PLD1: variants seen among roughly 807,000 people sequenced by gnomAD.
PLD1 encodes the protein choline phosphatase 1.
A neutral mutation model predicts 137.1 loss-of-function variants in PLD1; 112 were observed. That is an observed-to-expected ratio of 0.82 (90% CI 0.70 to 0.96). The LOEUF (loss-of-function observed/expected upper bound fraction) is 0.96. Ranked by LOEUF, PLD1 falls within the 40% of genes least tolerant of loss-of-function variation. The pLI is 0.00. For synonymous variants in PLD1, 431 were observed against 454.7 expected (o/e 0.95, Z 0.66); for missense variants, 1,321 against 1,342.0 (o/e 0.98, Z 0.24).
At chr3:171,716,765 T>G (rs1009487906) in intron 8 of PLD1, among the ~76,000 whole-genome samples, 1 of 152,238 alleles carries the variant, frequency 6.6e-6, no homozygotes, top group Non-Finnish European at 1.5e-5. Context: ...CATTCGCCAA[T>G]TTTTGATTTT....
chr3:171,754,000 C>A (rs1720846763), intron 1 of PLD1, among the ~76,000 whole-genome samples: 2 of 152,158 alleles, frequency 1.3e-5, no homozygotes, highest in African/African-American at 2.4e-5. Flanking sequence ...TTCCTATCAT[C>A]CATTGGGACT....
At chr3:171,763,476 G>GACAA (rs1721565360) in intron 1 of PLD1, among the ~76,000 whole-genome samples, 1 of 26,266 alleles carries the variant, frequency 3.8e-5, no homozygotes, top group African/African-American at 1.7e-4. Context: ...GGAGGGGAGG[G>GACAA]GAGGGGAGGA....
At chr3:171,795,366 G>C (rs1223673953) in intron 1 of PLD1, among the ~76,000 whole-genome samples, 2 of 152,184 alleles carry the variant, frequency 1.3e-5, no homozygotes, top group Non-Finnish European at 2.9e-5. Context: ...TACATAAACT[G>C]TGCTGAGTGC....
chr3:171,756,251 G>C (rs1406711161), intron 1 of PLD1, among the ~76,000 whole-genome samples: 2 of 152,224 alleles, frequency 1.3e-5, no homozygotes, highest in East Asian at 3.8e-4. Flanking sequence ...AAAGTCTTCA[G>C]TAAAAATAAG....
chr3:171,620,494 A>C lies in PLD1; in HGVS notation c.2620T>G (p.Ser874Ala), dbSNP rs375020903. 1.2e-4 allele frequency: 184 copies of C among 1,592,558 alleles called. No individual in the cohort carries two copies. The Middle Eastern group carries it at 2.0e-3, about 18-fold the overall frequency. Residue 874 changes from serine (S) to alanine (A), a missense_variant, in exon 24 of 27, where the codon TCA (serine) becomes GCA (alanine). Ser to Ala is a moderately conservative substitution (Grantham distance 99). Coordinates refer to ENST00000351298, the MANE Select transcript of PLD1 (RefSeq NM_002662.5). ...ELGNQWINYI[S>A]FCGLRTHAEL... ...GCATGTGTTCTAAGACCACAGAATGATATGTAATTTATCCACTGATTACCA... is the reference window on the plus strand; with the variant it reads ...GCATGTGTTCTAAGACCACAGAATGCTATGTAATTTATCCACTGATTACCA...
Position 171,605,360 on chromosome 3 carries a change from T to C in PLD1, c.2939A>G (p.Asp980Gly). ...AACCCACACCTCCTTGAAGAATTTG[T>C]CACTCACTGGATCCTGAATGTCCTC... ...PSEDIQDPVS[D>G]KFFKEVWVST... Residue 980 changes from aspartate (D) to glycine (G), a missense_variant, in exon 26 of 27, where the codon GAC (aspartate) becomes GGC (glycine). Transcript: ENST00000351298. 1.2e-6 allele frequency: 2 copies of C among 1,614,016 alleles called. No individual in the cohort carries two copies. The highest frequency in any genetic ancestry group is 1.7e-6 in the Non-Finnish European group (2 of 1,179,892).
intron 1 of PLD1, among the ~76,000 whole-genome samples, chr3:171,801,652 C>T (rs1723651656): frequency 6.6e-6 from 1 of 152,210 alleles, no homozygotes; most frequent in Admixed American, 6.5e-5. Context: ...TGGTCTTGAA[C>T]TCCTGTCCTC....
At chr3:171,755,524 T>C (rs1720962379) in intron 1 of PLD1, among the ~76,000 whole-genome samples, 1 of 152,226 alleles carries the variant, frequency 6.6e-6, no homozygotes, top group Non-Finnish European at 1.5e-5. Flanking sequence ...TCTTCTTTGA[T>C]GCTGTTCTTC....
At chr3:171,648,553 G>A (rs961621214) in intron 21 of PLD1, among the ~76,000 whole-genome samples, 2 of 150,364 alleles carry the variant, frequency 1.3e-5, no homozygotes, top group African/African-American at 2.4e-5. Context: ...TAAGAACATA[G>A]TTACTTTTTT....
intron 1 of PLD1, among the ~76,000 whole-genome samples, chr3:171,749,605 C>A (rs890704044): frequency 2.0e-5 from 3 of 152,192 alleles, no homozygotes; most frequent in Admixed American, 2.0e-4. Flanking sequence ...AGGAAACCTA[C>A]ATTTGGAAGA....
chr3:171,807,940 G>A (rs1428497855), intron 1 of PLD1, among the ~76,000 whole-genome samples: 3 of 152,336 alleles, frequency 2.0e-5, no homozygotes, highest in Non-Finnish European at 2.9e-5. Context: ...GGATGCGGAT[G>A]GAGGTCATTA....
intron 25 of PLD1, among the ~76,000 whole-genome samples, chr3:171,608,950 T>C (rs1295781941): frequency 1.3e-5 from 2 of 152,060 alleles, no homozygotes; most frequent in African/African-American, 2.4e-5. Flanking sequence ...CAAAGATGAC[T>C]AAAAGCCAAC....
chr3:171,732,640 G>C (rs946486123), intron 6 of PLD1, among the ~76,000 whole-genome samples: 1 of 152,142 alleles, frequency 6.6e-6, no homozygotes, highest in Non-Finnish European at 1.5e-5. Flanking sequence ...AATCACAATT[G>C]CACCAACTCT....
At chr3:171,775,585 G>A (rs1475380831) in intron 1 of PLD1, among the ~76,000 whole-genome samples, 1 of 152,188 alleles carries the variant, frequency 6.6e-6, no homozygotes, top group Admixed American at 6.5e-5. Context: ...GCTCACGTCT[G>A]TGATCCCAGC....
chr3:171,764,929 GAAAGGAAAGAAAGAAA>G lies in PLD1; in HGVS notation c.-31-26863_-31-26848del, dbSNP rs1560289253. On this transcript the variant is annotated intron_variant, in intron 1 of 26. Transcript: ENST00000351298. ...GAAGGAAGGAAAGAAAGAAAGGAAA[GAAAGGAAAGAAAGAAA>G]GAAAGAAAGAAAGAAAGAAAGAAAG... 6.2e-3 allele frequency among the ~76,000 whole-genome samples: 79 copies of G among 12,840 alleles called. 10 individuals are homozygous for G. Among genetic ancestry groups the G allele is most frequent in the East Asian group, 7.3e-3 (8 of 1,096 alleles). 8.4% of individuals were successfully genotyped at this position (12,840 alleles called of 152,430 possible). A position where few individuals can be genotyped will look rare whatever the true frequency, so the allele number is the denominator to read the frequency against.
intron 23 of PLD1, among the ~76,000 whole-genome samples, chr3:171,626,554 AT>A (rs1423233832): frequency 6.6e-6 from 1 of 152,186 alleles, no homozygotes; most frequent in East Asian, 1.9e-4. Flanking sequence ...TAATTGTCAG[AT>A]TCAGCAAAGT....
rs35118811 is a variant in PLD1 at position 171,803,809 on chromosome 3, C to T, written c.-32+6590G>A. Among the ~76,000 whole-genome samples, 791 of 152,226 alleles carry T rather than the reference C, an allele frequency of 5.2e-3. 9 individuals are homozygous for T. The highest frequency in any genetic ancestry group is 8.8e-3 in the Non-Finnish European group (599 of 68,020). On this transcript the variant is annotated intron_variant, in intron 1 of 26. Coordinates refer to ENST00000351298, the MANE Select transcript of PLD1 (RefSeq NM_002662.5). ...ACTAGAACATACAGTTTGGGGAAGA[C>T]GTGCAATAGTTACAGTATTTTCACC...
chr3:171,723,925 C>T (rs4894746), intron 8 of PLD1, among the ~76,000 whole-genome samples: 54,820 of 151,868 alleles, frequency 0.36, 10,998 homozygotes, highest in African/African-American at 0.52. Context: ...ACTTTGTTGA[C>T]TGTTTCCTTT....
chr3:171,642,233 T>A (rs928404670), intron 23 of PLD1, among the ~76,000 whole-genome samples: 2 of 151,764 alleles, frequency 1.3e-5, no homozygotes, highest in African/African-American at 2.4e-5. Context: ...GGCGGGTGGA[T>A]CACCTGAGGT....
Sources: gnomAD v4.1 joint callset for allele counts (sites outside exome capture counted in the v4.1 genomes callset) on GRCh38, gnomAD v4.1.1 for gene constraint, MANE v1.5 for transcripts, NCBI Gene and HGNC (gene_info 2026-07-23, HGNC 2026-07-21) for gene names.